CNTN6: variants seen among roughly 807,000 people sequenced by gnomAD.
The protein encoded by CNTN6 is contactin 6.
In CNTN6, 137 loss-of-function variants were observed where a neutral mutation model predicts 122.8. That is an observed-to-expected ratio of 1.12 (90% CI 0.97 to 1.29). The LOEUF is 1.29. Ranked by LOEUF, CNTN6 falls within the 50% of genes most tolerant of loss-of-function variation. CNTN6 has a pLI of 0.00. For missense variants in CNTN6, 1,634 were observed against 1,223.4 expected (o/e 1.34, Z -5.01); for synonymous variants, 570 against 426.0 (o/e 1.34, Z -4.16).
At chr3:1,298,146 C>T in intron 7 of CNTN6, 155 bp downstream of exon 7, 1 of 596,924 alleles carries the variant, frequency 1.7e-6, no homozygotes, top group East Asian at 2.8e-5. Context: ...TTTAAACAAA[C>T]ATGTCTAATA....
chr3:1,252,145 C>A (rs1474079741), intron 4 of CNTN6, among the ~76,000 whole-genome samples: 1 of 152,156 alleles, frequency 6.6e-6, no homozygotes, highest in Non-Finnish European at 1.5e-5. Context: ...ATCTCACAAC[C>A]TAGGCCCACT....
At chr3:1,276,387 C>G (rs1275519031) in intron 4 of CNTN6, among the ~76,000 whole-genome samples, 1 of 152,290 alleles carries the variant, frequency 6.6e-6, no homozygotes, top group East Asian at 1.9e-4. Context: ...AATGACATGA[C>G]TTTCTATGCA....
chr3:1,386,269 GT>G (rs68123669), intron 20 of CNTN6, among the ~76,000 whole-genome samples: 2 of 98,286 alleles, frequency 2.0e-5, no homozygotes, highest in East Asian at 2.2e-4. Flanking sequence ...TGGTTTTTTT[GT>G]TTTGTCATTT....
At chr3:1,257,257 A>G (rs1484693632) in intron 4 of CNTN6, among the ~76,000 whole-genome samples, 1 of 151,978 alleles carries the variant, frequency 6.6e-6, no homozygotes, top group East Asian at 1.9e-4. Flanking sequence ...ATATGTTAAT[A>G]TTTTTCTTTT....
chr3:1,096,497 T>G (rs1318800320), intron 1 of CNTN6, among the ~76,000 whole-genome samples: 1 of 152,230 alleles, frequency 6.6e-6, no homozygotes, highest in Non-Finnish European at 1.5e-5. Flanking sequence ...TTGTCTACTT[T>G]CCACATCTTT....
At chr3:1,157,454 T>G (rs969057349) in intron 2 of CNTN6, among the ~76,000 whole-genome samples, 3 of 151,888 alleles carry the variant, frequency 2.0e-5, no homozygotes, top group African/African-American at 7.3e-5. Flanking sequence ...TGACCTCAGG[T>G]GATCTGCCCG....
rs66929153 is a variant in CNTN6, at chr3:1,384,772, CATATAT to C, written c.2518-819_2518-814del. ...ACACATATATATACATATATATACA[CATATAT>C]ATATATATATATATATATACACACA... is the stretch of plus-strand genomic sequence containing the variant. On this transcript the variant is annotated intron_variant, in intron 19 of 22. Transcript: ENST00000446702. 3.5e-3 allele frequency among the ~76,000 whole-genome samples: 427 copies of C among 120,912 alleles called. 3 individuals are homozygous for C. The highest frequency in any genetic ancestry group is 4.3e-3 in the Non-Finnish European group (248 of 58,142). 79.3% of individuals were successfully genotyped at this position (120,912 alleles called of 152,430 possible).
intron 5 of CNTN6, among the ~76,000 whole-genome samples, chr3:1,291,288 C>T (rs1306895429): frequency 6.6e-6 from 1 of 152,142 alleles, no homozygotes; most frequent in Non-Finnish European, 1.5e-5. Context: ...CTTCCAGCAG[C>T]TTCTAAATAT....
intron 4 of CNTN6, among the ~76,000 whole-genome samples, chr3:1,264,004 G>A (rs1250438263): frequency 3.3e-5 from 5 of 151,764 alleles, no homozygotes; most frequent in East Asian, 1.9e-4. Flanking sequence ...AAGGGCCATC[G>A]GGGGAAGAAA....
At chr3:1,364,089 A>G (rs1198334889) in intron 12 of CNTN6, among the ~76,000 whole-genome samples, 1 of 151,944 alleles carries the variant, frequency 6.6e-6, no homozygotes, top group African/African-American at 2.4e-5. Context: ...CAGTTTCTAC[A>G]GTTGGAAGGA....
chr3:1,107,484 G>A lies in CNTN6; in HGVS notation c.-83+14364G>A, dbSNP rs563455808. On this transcript the variant is annotated intron_variant, in intron 1 of 22. Transcript: ENST00000446702. ...GATGCCACTTTTTATTGCACATATT[G>A]TGAGAGGGTAAAACAAATAACCTTT... 2.0e-5 allele frequency among the ~76,000 whole-genome samples: 3 copies of A among 152,168 alleles called. No homozygotes were observed. In the South Asian group the frequency reaches 6.2e-4, roughly 32 times the overall value.
intron 1 of CNTN6, among the ~76,000 whole-genome samples, chr3:1,127,084 T>C (rs1162516639): frequency 6.6e-6 from 1 of 151,564 alleles, no homozygotes; most frequent in Non-Finnish European, 1.5e-5. Flanking sequence ...ATATATTTTA[T>C]ATGTGCTATA....
rs745629244 is a variant in CNTN6 at position 1,278,439 on chromosome 3, A to G, written c.385A>G (p.Arg129Gly). Residue 129 changes from arginine to glycine, a missense_variant, in exon 5 of 23, where the codon AGA (arginine) becomes GGA (glycine). Transcript: ENST00000446702. The part of the protein sequence containing the change: ...AYIEDFETKT[R>G]STVSVREGQG... ...TATTGAAGACTTTGAAACTAAAACA[A>G]GAAGCACAGTATCTGTCCGAGAAGG... 1.9e-6 allele frequency: 3 copies of G among 1,608,900 alleles called. No individual in the cohort carries two copies. Among genetic ancestry groups the G allele is most frequent in the Non-Finnish European group, 1.7e-6 (2 of 1,176,584 alleles).
chr3:1,339,464 G>A (rs1258147712), intron 11 of CNTN6, among the ~76,000 whole-genome samples: 1 of 152,156 alleles, frequency 6.6e-6, no homozygotes, highest in African/African-American at 2.4e-5. Context: ...TCCTGGGGAA[G>A]GCAGACAAGC....
chr3:1,325,999 A>T (rs1701493865), intron 9 of CNTN6, 48 bp downstream of exon 9: 2 of 1,550,000 alleles, frequency 1.3e-6, no homozygotes, highest in Non-Finnish European at 1.8e-6. Flanking sequence ...TACTAGGTAA[A>T]TTTTGTTACT....
chr3:1,219,407 G>C (rs968040800), intron 2 of CNTN6, among the ~76,000 whole-genome samples: 1 of 152,178 alleles, frequency 6.6e-6, no homozygotes, highest in African/African-American at 2.4e-5. Flanking sequence ...GAGGGAAAGA[G>C]GGCAAGACAA....
At chr3:1,126,738 G>C (rs1019567627) in intron 1 of CNTN6, among the ~76,000 whole-genome samples, 1 of 151,806 alleles carries the variant, frequency 6.6e-6, no homozygotes, top group Admixed American at 6.6e-5. Flanking sequence ...ACAATGTCTT[G>C]AGCCAAGCCT....
chr3:1,100,737 C>A (rs1303873530), intron 1 of CNTN6, among the ~76,000 whole-genome samples: 2 of 151,882 alleles, frequency 1.3e-5, no homozygotes, highest in African/African-American at 4.8e-5. Context: ...TTTTAAAAAA[C>A]AGTTTTAATT....
intron 4 of CNTN6, among the ~76,000 whole-genome samples, chr3:1,268,366 G>A (rs1042038888): frequency 6.6e-6 from 1 of 152,124 alleles, no homozygotes; most frequent in Admixed American, 6.5e-5. Context: ...CCAGCACTTT[G>A]GGAGGCCGAG....
Sources: gnomAD v4.1 joint callset for allele counts (sites outside exome capture counted in the v4.1 genomes callset) on GRCh38, gnomAD v4.1.1 for gene constraint, MANE v1.5 for transcripts, NCBI Gene and HGNC (gene_info 2026-07-23, HGNC 2026-07-21) for gene names.